The following DIDO1 variants were observed in gnomAD, a reference collection of about 807,000 sequenced individuals.
The protein encoded by DIDO1 is death inducer-obliterator 1.
DIDO1 carries 16 observed loss-of-function variants against 99.4 expected under a neutral mutation model. The observed-to-expected ratio is 0.16, with a 90% CI of 0.11 to 0.24. The LOEUF (loss-of-function observed/expected upper bound fraction) is 0.24, where lower values mean the gene tolerates loss of function less well. Among genes scored for constraint, DIDO1 ranks in the 10% least tolerant of loss-of-function variants. The pLI, the probability that DIDO1 is intolerant of heterozygous loss-of-function variation, is 1.00. For synonymous variants in DIDO1, 1,366 were observed against 1,239.1 expected (o/e 1.10, Z -2.15); for missense variants, 2,996 against 3,014.0 (o/e 0.99, Z 0.14).
intron 14 of DIDO1, 134 bp from the exon 15 acceptor site, chr20:62,891,289 G>A (rs945577559): frequency 1.1e-5 from 16 of 1,422,770 alleles, no homozygotes; most frequent in African/African-American, 5.7e-5. Flanking sequence ...CAGAGCTGCT[G>A]TCTCAGTGAG....
chr20:62,896,366 A>C lies in DIDO1; in HGVS notation c.2081T>G (p.Met694Arg). 1.2e-6 allele frequency: 2 copies of C among 1,614,126 alleles called. No homozygotes were observed. The highest frequency in any genetic ancestry group is 1.7e-6 in the Non-Finnish European group (2 of 1,180,020). The change falls in exon 8 of 16, where the codon ATG (methionine) becomes AGG (arginine). Residue 694 changes from methionine to arginine, a missense_variant. Met to Arg is a moderately conservative substitution (Grantham distance 91, BLOSUM62 -1). Transcript: ENST00000395343. This position sits in a 1 kb window ranked among gnomAD's most constrained non-coding sequence, Gnocchi z 4.4. The part of the protein sequence containing the change: ...KRVNDSDDLI[M>R]TENEVGKIAL... ...AATTTTTCCTACTTCGTTTTCTGTC[A>C]TGATTAAGTCATCGCTGTCATTGAC...
intron 1 of DIDO1, among the ~76,000 whole-genome samples, chr20:62,931,554 C>T (rs1034457785): frequency 6.6e-6 from 1 of 152,188 alleles, no homozygotes; most frequent in African/African-American, 2.4e-5. Context: ...GACATTTACC[C>T]TTACAGGCTC....
At chr20:62,889,647 C>A in intron 15 of DIDO1, 1 of 985,408 alleles carries the variant, frequency 1.0e-6, no homozygotes, top group African/African-American at 1.7e-5. Context: ...GAGGGCCGGG[C>A]TTTTCCTCTC....
intron 15 of DIDO1, among the ~76,000 whole-genome samples, chr20:62,885,525 A>G (rs2064283489): frequency 6.6e-6 from 1 of 152,248 alleles, no homozygotes; most frequent in South Asian, 2.1e-4. Context: ...TCTTGAAAAC[A>G]GCAACCGTCT....
chr20:62,891,282 A>G (rs1283610911), intron 14 of DIDO1, 127 bp from the exon 15 acceptor site: 1 of 1,463,678 alleles, frequency 6.8e-7, no homozygotes, highest in African/African-American at 1.4e-5. Flanking sequence ...GATCTCACAG[A>G]GCTGCTGTCT....
intron 5 of DIDO1, 115 bp from the exon 6 acceptor site, chr20:62,906,215 C>T: frequency 7.5e-7 from 1 of 1,339,786 alleles, no homozygotes; most frequent in Non-Finnish European, 1.0e-6. Flanking sequence ...ATCTGAAGAC[C>T]CTGCACCCAT....
Position 62,882,299 on chromosome 20 carries a change from T to G in DIDO1, c.3657A>C (p.Gln1219His). 6.2e-7 allele frequency: 1 copy of G among 1,614,046 alleles called. No homozygotes were observed. Among genetic ancestry groups the G allele is most frequent in the Non-Finnish European group, 8.5e-7 (1 of 1,180,020 alleles). The change falls in exon 16 of 16, where the codon CAA (glutamine) becomes CAC (histidine). Residue 1219 changes from glutamine (Q) to histidine (H), a missense_variant. Transcript: ENST00000395343. ...AGGCCGGAACGTCCGCTTCTTCCGG[T>G]TGAAGTCGGGTCCGCTTTTCGTCCA... is the stretch of plus-strand genomic sequence containing the variant. ...DKMDEKRTRL[Q>H]PEEADVPAYP...
In DIDO1 at chr20:62,878,330, C is replaced by T. The variant is rs1030308154; in HGVS notation, c.*903G>A. 18 of 152,154 alleles carry T rather than the reference C, an allele frequency of 1.2e-4. No homozygotes were observed. The highest frequency in any genetic ancestry group is 3.9e-4 in the African/African-American group (16 of 41,428). The allele number at this position is 152,154 out of a possible 1,614,324, so 9.4% of individuals were successfully genotyped here. On this transcript the variant is annotated 3_prime_UTR_variant, in exon 16 of 16. Transcript: ENST00000395343. ...TCTTGAGCTAGTGATCACTAGTTCCCGTCTCAGACTTTACACAAGTCTTGT... is the reference window on the plus strand; with the variant it reads ...TCTTGAGCTAGTGATCACTAGTTCCTGTCTCAGACTTTACACAAGTCTTGT...
chr20:62,896,383 GTCA>G lies in DIDO1; in HGVS notation c.2061_2063del (p.Asp688del). 6.2e-7 allele frequency: 1 copy of G among 1,613,960 alleles called. No individual in the cohort carries two copies. Among genetic ancestry groups the G allele is most frequent in the Non-Finnish European group, 8.5e-7 (1 of 1,179,978 alleles). On this transcript the variant is annotated inframe_deletion, in exon 8 of 16. Coordinates refer to ENST00000395343, the MANE Select transcript of DIDO1 (RefSeq NM_001193369.2). This position sits in a 1 kb window ranked among gnomAD's most constrained non-coding sequence, Gnocchi z 4.4. ...TTTCTGTCATGATTAAGTCATCGCT[GTCA>G]TTGACTCTGAACAGAATAAAAAAAA... is the stretch of plus-strand genomic sequence containing the variant.
intron 6 of DIDO1, among the ~76,000 whole-genome samples, chr20:62,899,151 A>G (rs2064604637): frequency 6.6e-6 from 1 of 152,170 alleles, no homozygotes. Context: ...CAGAGGCGGC[A>G]GACAGACACC....
chr20:62,901,818 A>G lies in DIDO1; in HGVS notation c.1588+4069T>C, dbSNP rs551815220. On this transcript the variant is annotated intron_variant, in intron 6 of 15. Coordinates refer to ENST00000395343, the MANE Select transcript of DIDO1 (RefSeq NM_001193369.2). ...TATGTGTATGTTGATGTGTTAACAG[A>G]AAAAAAAAAAAAAAAACCTAGTATT... Among the ~76,000 whole-genome samples the G allele has an allele frequency of 3.2e-4, 22 of 69,586 alleles. No homozygotes were observed. In the South Asian group the frequency reaches 4.0e-3, roughly 13 times the overall value. The allele number at this position is 69,586 out of a possible 152,430, so 45.7% of individuals were successfully genotyped here. A position where few individuals can be genotyped will look rare whatever the true frequency, so the allele number is the denominator to read the frequency against.
At chr20:62,893,530 C>T (rs1188031976) in intron 12 of DIDO1, 136 bp downstream of exon 12, 264 of 1,088,360 alleles carry the variant, frequency 2.4e-4, no homozygotes, top group Non-Finnish European at 3.2e-5. Context: ...ACAACTGGGG[C>T]TTTTTAAAAG....
chr20:62,899,973 T>G (rs1489105358), intron 6 of DIDO1, among the ~76,000 whole-genome samples: 2 of 152,246 alleles, frequency 1.3e-5, no homozygotes, highest in African/African-American at 4.8e-5. Context: ...ATTTGCAAGT[T>G]CATCCAAATT....
In DIDO1 at chr20:62,910,869, A is replaced by C. The variant is rs1055511840; in HGVS notation, c.744T>G (p.Asp248Glu). The C allele has an allele frequency of 1.2e-6, 2 of 1,613,888 alleles. No individual in the cohort carries two copies. The highest frequency in any genetic ancestry group is 2.7e-5 in the African/African-American group (2 of 74,834). ...GTCGGCCCAAGTCTCCAGGCTCCTC[A>C]TCTTTGATGTCCTGAGCCGCCTTTC... Reference protein sequence around the residue: ...LEGKAAQDIKDEEPGDLGRPK... With the variant: ...LEGKAAQDIKEEEPGDLGRPK... Residue 248 changes from aspartate (D) to glutamate (E), a missense_variant, in exon 3 of 16, where the codon GAT (aspartate) becomes GAG (glutamate). Asp to Glu is a conservative substitution (Grantham distance 45). Coordinates refer to ENST00000395343, the MANE Select transcript of DIDO1 (RefSeq NM_001193369.2).
intron 1 of DIDO1, among the ~76,000 whole-genome samples, chr20:62,923,489 G>A (rs953095436): frequency 2.6e-5 from 4 of 152,094 alleles, no homozygotes; most frequent in African/African-American, 9.7e-5. Flanking sequence ...TTCTTTAAGG[G>A]TGATGAATCA....
intron 14 of DIDO1, among the ~76,000 whole-genome samples, chr20:62,891,514 C>T (rs111812265): frequency 2.6e-5 from 4 of 152,192 alleles, no homozygotes; most frequent in Non-Finnish European, 4.4e-5. Flanking sequence ...CAGACAGACA[C>T]GCACAGCTGT....
Position 62,919,913 on chromosome 20 carries a change from T to C in DIDO1, c.-199-5507A>G, listed in dbSNP as rs1239374994. Reference sequence around the variant, plus strand: ...AGAAACAGTCACATAAAATCATTTATCGAGGTGAAGGAGAAGTGAGGTTTA... The same window carrying C: ...AGAAACAGTCACATAAAATCATTTACCGAGGTGAAGGAGAAGTGAGGTTTA... On this transcript the variant is annotated intron_variant, in intron 1 of 15. Transcript: ENST00000395343. Among the ~76,000 whole-genome samples, 8 of 152,376 alleles carry C rather than the reference T, an allele frequency of 5.3e-5. No homozygotes were observed. The East Asian group carries it at 9.6e-4, about 18-fold the overall frequency.
chr20:62,891,153 C>T lies in DIDO1; in HGVS notation c.3348G>A (p.Glu1116=), dbSNP rs1423935437. ...VGKLKSSVSK[E]LCLIRFHPAT... Reference sequence around the variant, plus strand: ...CGGGGTGGAAGCGGATCAGACAGAGCTCCTGCAATGGAAGAGTGGGAAGCA... The same window carrying T: ...CGGGGTGGAAGCGGATCAGACAGAGTTCCTGCAATGGAAGAGTGGGAAGCA... Residue 1116 remains glutamate, a splice_region_variant and synonymous_variant, in exon 15 of 16, where the codon GAG becomes GAA. Transcript: ENST00000395343. 1.2e-6 allele frequency: 2 copies of T among 1,613,982 alleles called. No individual in the cohort carries two copies. The highest frequency in any genetic ancestry group is 8.5e-7 in the Non-Finnish European group (1 of 1,180,002).
In DIDO1 at chr20:62,893,348, G is replaced by C. The variant is rs148664905; in HGVS notation, c.3101+318C>G. Among the ~76,000 whole-genome samples, 189 of 152,322 alleles carry C rather than the reference G, an allele frequency of 1.2e-3. 1 individual carries two copies. Among genetic ancestry groups the C allele is most frequent in the African/African-American group, 3.1e-3 (130 of 41,566 alleles). ...TATGTAAAAGCAAAAGTGAACGCTTGCAAGTTTTACGTTTTTGGTAGCTTA... is the reference window on the plus strand; with the variant it reads ...TATGTAAAAGCAAAAGTGAACGCTTCCAAGTTTTACGTTTTTGGTAGCTTA... On this transcript the variant is annotated intron_variant, in intron 12 of 15. Transcript: ENST00000395343.
Sources: gnomAD v4.1 joint callset for allele counts (sites outside exome capture counted in the v4.1 genomes callset) on GRCh38, gnomAD v4.1.1 for gene constraint, Gnocchi (gnomAD v3.1) non-coding constraint, MANE v1.5 for transcripts, NCBI Gene and HGNC (gene_info 2026-07-23, HGNC 2026-07-21) for gene names.